Variants in PRMT8 observed in about 807,000 individuals in gnomAD.
PRMT8 encodes the protein protein arginine methyltransferase 8.
PRMT8 carries 7 observed loss-of-function variants against 47.1 expected under a neutral mutation model. That is an observed-to-expected ratio of 0.15 (90% CI 0.08 to 0.28). The LOEUF (loss-of-function observed/expected upper bound fraction) is 0.28. PRMT8 is among the 10% of genes least tolerant of loss of function. The probability of loss-of-function intolerance (pLI) is 1.00; values close to 1 mark genes in which losing one functional copy is unlikely to be tolerated. For synonymous variants in PRMT8, 188 were observed against 186.5 expected, an observed-to-expected ratio of 1.01 and a Z score of -0.07; for missense variants, 237 against 505.4, an observed-to-expected ratio of 0.47 and a Z score of 5.09.
At chr12:3,536,758 G>A (rs1866125329) in intron 1 of PRMT8, among the ~76,000 whole-genome samples, 3 of 152,116 alleles carry the variant, frequency 2.0e-5, no homozygotes, top group South Asian at 2.1e-4. Context: ...TGCAATGCTC[G>A]GGCCACACAT....
chr12:3,488,009 A>G (rs578203118), upstream of PRMT8, among the ~76,000 whole-genome samples: 1 of 152,336 alleles, frequency 6.6e-6, no homozygotes, highest in East Asian at 1.9e-4. Context: ...GTTGAGAACC[A>G]CTGTCTTGCT....
At chr12:3,591,577 C>T (rs761624327) in intron 8 of PRMT8, among the ~76,000 whole-genome samples, 16 of 151,954 alleles carry the variant, frequency 1.1e-4, no homozygotes, top group Non-Finnish European at 1.8e-4. Flanking sequence ...CTACCACACT[C>T]GCCTAGTTTT....
intron 1 of PRMT8, among the ~76,000 whole-genome samples, chr12:3,437,466 C>T (rs1377066599): frequency 9.2e-5 from 14 of 151,766 alleles, no homozygotes; most frequent in South Asian, 4.2e-4. Context: ...CTTTATCCCC[C>T]GGGTAAAAAG....
At chr12:3,473,291 ACAG>A (rs780070237) in intron 1 of PRMT8, among the ~76,000 whole-genome samples, 2 of 152,156 alleles carry the variant, frequency 1.3e-5, no homozygotes, top group East Asian at 3.9e-4. Context: ...ATAAAGCCCA[ACAG>A]ACACGGCTTC....
intron 1 of PRMT8, among the ~76,000 whole-genome samples, chr12:3,454,256 G>T (rs1374670963): frequency 6.6e-6 from 1 of 152,044 alleles, no homozygotes; most frequent in African/African-American, 2.4e-5. Context: ...ACTCCCTGAC[G>T]GGGAGCCTGC....
intron 4 of PRMT8, among the ~76,000 whole-genome samples, chr12:3,567,724 A>G (rs1323388338): frequency 6.6e-5 from 10 of 152,188 alleles, no homozygotes; most frequent in Admixed American, 4.6e-4. Flanking sequence ...ACTCCCACAA[A>G]AGTAAGCTAC....
chr12:3,495,501 C>T (rs1233092853), intron 1 of PRMT8, among the ~76,000 whole-genome samples: 4 of 152,182 alleles, frequency 2.6e-5, no homozygotes, highest in Admixed American at 1.3e-4. Flanking sequence ...CCAGCTCAAA[C>T]GTTACCTCCT....
At chr12:3,521,484 G>A (rs1018939453) in intron 1 of PRMT8, among the ~76,000 whole-genome samples, 1 of 152,174 alleles carries the variant, frequency 6.6e-6, no homozygotes, top group Non-Finnish European at 1.5e-5. Flanking sequence ...TGAGGCAGGA[G>A]AATCACTTGA....
intron 1 of PRMT8, among the ~76,000 whole-genome samples, chr12:3,426,067 AG>A (rs1864601242): frequency 6.6e-6 from 1 of 152,218 alleles, no homozygotes; most frequent in Non-Finnish European, 1.5e-5. Flanking sequence ...GATATAGCAG[AG>A]AGAGAGCTTG....
At chr12:3,547,783 T>C (rs1393478123) in intron 2 of PRMT8, among the ~76,000 whole-genome samples, 1 of 152,242 alleles carries the variant, frequency 6.6e-6, no homozygotes, top group Non-Finnish European at 1.5e-5. Context: ...AATGGAGAGC[T>C]GCAAAGTGTT....
chr12:3,449,654 T>C lies in PRMT8; in HGVS notation c.48+68212T>C, dbSNP rs151046706. 7.6e-3 allele frequency among the ~76,000 whole-genome samples: 1,161 copies of C among 152,328 alleles called. 10 individuals are homozygous for C. The highest frequency in any genetic ancestry group is 0.014 in the African/African-American group (590 of 41,572). On this transcript the variant is annotated intron_variant, in intron 1 of 9. Transcript: ENST00000452611. ...ATTAGACCTTGTCAGATGGATAGAT[T>C]GCAAACTTTTTCTCCCATTCTTTAT...
At chr12:3,423,775 C>G in intron 1 of PRMT8, among the ~76,000 whole-genome samples, 1 of 152,218 alleles carries the variant, frequency 6.6e-6, no homozygotes, top group East Asian at 1.9e-4. Context: ...GTGATTTGAA[C>G]TCCACCAAGT....
At position 3,583,350 on chromosome 12, in the gene PRMT8, G is replaced by A. The variant is rs1466943505; in HGVS notation, c.979+142G>A. ...ACACCTATCAACCCTCTCCAGCCAT[G>A]GAGGAACCATGCATCCCTATATTTG... On this transcript the variant is annotated intron_variant, in intron 8 of 9. Coordinates refer to ENST00000382622, the MANE Select transcript of PRMT8 (RefSeq NM_019854.5). This position sits in a 1 kb window ranked among gnomAD's most constrained non-coding sequence, Gnocchi z 4.7. The A allele has an allele frequency of 2.2e-6, 2 of 910,742 alleles. No homozygotes were observed. The highest frequency in any genetic ancestry group is 2.9e-5 in the Admixed American group (1 of 34,268). 56.4% of individuals were successfully genotyped at this position (910,742 alleles called of 1,614,324 possible). A position where few individuals can be genotyped will look rare whatever the true frequency, so the allele number is the denominator to read the frequency against.
At chr12:3,521,972 AT>A (rs1865886701) in intron 1 of PRMT8, among the ~76,000 whole-genome samples, 1 of 152,244 alleles carries the variant, frequency 6.6e-6, no homozygotes, top group Admixed American at 6.5e-5. Flanking sequence ...AAGTTTACAC[AT>A]TAAATGGGAT....
At position 3,431,837 on chromosome 12, in the gene PRMT8, A is replaced by G. The variant is rs548054882; in HGVS notation, c.48+50395A>G. On this transcript the variant is annotated intron_variant, in intron 1 of 9. Transcript: ENST00000452611. The stretch of plus-strand genomic sequence containing the variant: ...AGCTTGTCTTGAAAGAGAAGGTGAG[A>G]TATGGTGTGGCATCGCAGGGAGCTG... 3.9e-5 allele frequency among the ~76,000 whole-genome samples: 6 copies of G among 152,136 alleles called. No individual in the cohort carries two copies. In the East Asian group the frequency reaches 1.2e-3, roughly 29 times the overall value.
intron 1 of PRMT8, among the ~76,000 whole-genome samples, chr12:3,517,305 G>A (rs1865809753): frequency 6.6e-6 from 1 of 152,152 alleles, no homozygotes; most frequent in Non-Finnish European, 1.5e-5. Context: ...ACAACCTGGT[G>A]GCCCGTACAG....
intron 1 of PRMT8, among the ~76,000 whole-genome samples, chr12:3,516,868 G>C (rs1205376666): frequency 6.6e-6 from 1 of 151,706 alleles, no homozygotes; most frequent in Non-Finnish European, 1.5e-5. Context: ...GAATTTACCA[G>C]TCTGCAAAAT....
At chr12:3,472,541 C>T (rs1024609465) in intron 1 of PRMT8, among the ~76,000 whole-genome samples, 3 of 152,180 alleles carry the variant, frequency 2.0e-5, no homozygotes, top group Non-Finnish European at 4.4e-5. Context: ...CTTCTCTGAG[C>T]CTCCTTTCCC....
chr12:3,426,452 G>C (rs1864605262), intron 1 of PRMT8, among the ~76,000 whole-genome samples: 1 of 152,180 alleles, frequency 6.6e-6, no homozygotes, highest in African/African-American at 2.4e-5. Context: ...ACATCTGGGG[G>C]CAAGACTACT....
Sources: allele counts gnomAD v4.1 joint callset (sites outside exome capture counted in the v4.1 genomes callset), GRCh38; gene constraint gnomAD v4.1.1; non-coding constraint Gnocchi (gnomAD v3.1); transcripts MANE v1.5; gene names NCBI Gene and HGNC (gene_info 2026-07-23, HGNC 2026-07-21).